The following TTC28 variants were observed in gnomAD, a reference collection of about 807,000 sequenced individuals.
The protein encoded by TTC28 is tetratricopeptide repeat protein 28.
Under a neutral mutation model 198.0 loss-of-function variants are expected in TTC28, and 61 were observed. That is an observed-to-expected ratio of 0.31 (90% CI 0.25 to 0.38). The LOEUF is 0.38. Ranked by LOEUF, TTC28 falls within the 10% of genes least tolerant of loss-of-function variation. The probability of loss-of-function intolerance (pLI) is 1.00; values close to 1 mark genes in which losing one functional copy is unlikely to be tolerated. For missense variants in TTC28, 2,678 were observed against 3,164.0 expected (o/e 0.85, Z 3.69); for synonymous variants, 1,171 against 1,297.8 (o/e 0.90, Z 2.10).
chr22:28,276,915 A>G (rs991788016), intron 5 of TTC28, among the ~76,000 whole-genome samples: 3 of 152,170 alleles, frequency 2.0e-5, no homozygotes, highest in Non-Finnish European at 2.9e-5. Flanking sequence ...AAATACTTAT[A>G]TTAGTATTTT....
intron 13 of TTC28, among the ~76,000 whole-genome samples, chr22:28,016,856 A>G (rs930053617): frequency 6.6e-6 from 1 of 152,172 alleles, no homozygotes; most frequent in African/African-American, 2.4e-5. Flanking sequence ...CACCCGGCCC[A>G]TCTGACCCCT....
At chr22:28,346,096 C>T (rs927843740) in intron 2 of TTC28, among the ~76,000 whole-genome samples, 4 of 152,138 alleles carry the variant, frequency 2.6e-5, no homozygotes, top group African/African-American at 9.7e-5. Flanking sequence ...TTCTTTATAA[C>T]AACCTGTAAA....
chr22:28,065,122 A>G (rs1407657932), intron 12 of TTC28, among the ~76,000 whole-genome samples: 3 of 152,322 alleles, frequency 2.0e-5, no homozygotes, highest in Admixed American at 6.5e-5. Flanking sequence ...GCTTGGCAGC[A>G]GCTGCAAAAC....
intron 12 of TTC28, among the ~76,000 whole-genome samples, chr22:28,076,375 T>A (rs1468556952): frequency 1.3e-5 from 2 of 152,332 alleles, no homozygotes; most frequent in East Asian, 3.9e-4. Flanking sequence ...CAACTGTCCA[T>A]TTACATCAAT....
chr22:28,117,093 T>C (rs1942654102), intron 6 of TTC28, among the ~76,000 whole-genome samples: 3 of 152,226 alleles, frequency 2.0e-5, no homozygotes, highest in South Asian at 4.1e-4. Context: ...TGAAAAGTAA[T>C]GAGAAATGAT....
chr22:28,512,978 G>GTTTT (rs1208865858), intron 2 of TTC28, among the ~76,000 whole-genome samples: 1 of 116,012 alleles, frequency 8.6e-6, no homozygotes. Flanking sequence ...TTTTAACCTG[G>GTTTT]ATTTTTTTTT....
At chr22:28,085,982 A>T (rs1253913504) in intron 12 of TTC28, among the ~76,000 whole-genome samples, 8 of 152,158 alleles carry the variant, frequency 5.3e-5, no homozygotes, top group Non-Finnish European at 1.0e-4. Context: ...ATATATATGC[A>T]CCCAATACAG....
At chr22:28,296,100 T>G in intron 5 of TTC28, 98 bp downstream of exon 5, 2 of 1,290,590 alleles carry the variant, frequency 1.5e-6, no homozygotes, top group Non-Finnish European at 2.1e-6. Flanking sequence ...GAAAGTAATA[T>G]TTTAAGATAC....
At chr22:28,185,398 G>T (rs1924100165) in intron 5 of TTC28, among the ~76,000 whole-genome samples, 1 of 152,108 alleles carries the variant, frequency 6.6e-6, no homozygotes, top group Non-Finnish European at 1.5e-5. Context: ...TATTATGTTT[G>T]TTATAACACT....
At chr22:28,259,493 C>A (rs887236014) in intron 5 of TTC28, among the ~76,000 whole-genome samples, 1 of 151,532 alleles carries the variant, frequency 6.6e-6, no homozygotes, top group Non-Finnish European at 1.5e-5. Flanking sequence ...GATGTTAGCC[C>A]AGAAATGCTC....
At chr22:28,508,770 C>G (rs1260452979) in intron 2 of TTC28, among the ~76,000 whole-genome samples, 1 of 152,088 alleles carries the variant, frequency 6.6e-6, no homozygotes, top group African/African-American at 2.4e-5. Flanking sequence ...TTTAGACTCC[C>G]ACATAAAAAT....
chr22:28,513,979 T>C (rs183304791), intron 2 of TTC28, among the ~76,000 whole-genome samples: 2 of 152,230 alleles, frequency 1.3e-5, no homozygotes, highest in East Asian at 1.9e-4. Flanking sequence ...GCAGTCTTTG[T>C]ACAAAATACA....
intron 2 of TTC28, among the ~76,000 whole-genome samples, chr22:28,359,795 T>A (rs1007731580): frequency 2.0e-5 from 3 of 152,160 alleles, no homozygotes; most frequent in African/African-American, 7.2e-5. Context: ...AGGAAAGATG[T>A]CTTATCAATG....
intron 12 of TTC28, among the ~76,000 whole-genome samples, chr22:28,047,507 C>T (rs1198438226): frequency 6.6e-6 from 1 of 152,332 alleles, no homozygotes; most frequent in Non-Finnish European, 1.5e-5. Context: ...AAGGCACCTA[C>T]CTGGGTCCAG....
intron 2 of TTC28, among the ~76,000 whole-genome samples, chr22:28,557,385 T>C (rs535850565): frequency 1.3e-5 from 2 of 152,362 alleles, no homozygotes; most frequent in Non-Finnish European, 2.9e-5. Flanking sequence ...TTCTTTGTGA[T>C]TTCTTCAAAC....
intron 2 of TTC28, among the ~76,000 whole-genome samples, chr22:28,504,444 G>A (rs1036857543): frequency 6.6e-6 from 1 of 151,900 alleles, no homozygotes; most frequent in African/African-American, 2.4e-5. Flanking sequence ...ATACATATGT[G>A]TGTATATGTA....
chr22:28,233,102 C>CAA (rs767038801), intron 5 of TTC28, among the ~76,000 whole-genome samples: 1 of 140,980 alleles, frequency 7.1e-6, no homozygotes, highest in Non-Finnish European at 1.6e-5. Context: ...AACTCTGTCT[C>CAA]AAAAAAAAAA....
intron 2 of TTC28, among the ~76,000 whole-genome samples, chr22:28,618,278 A>G (rs2050934078): frequency 4.6e-5 from 7 of 152,046 alleles, no homozygotes; most frequent in Admixed American, 3.9e-4. Context: ...CTCCATCTCA[A>G]TCAATCAATC....
At chr22:28,334,465 C>A (rs1013522492) in intron 2 of TTC28, among the ~76,000 whole-genome samples, 14 of 152,322 alleles carry the variant, frequency 9.2e-5, no homozygotes, top group African/African-American at 3.4e-4. Flanking sequence ...TACAATCCCA[C>A]CAACGGTGTA....
Sources: gnomAD v4.1 joint callset for allele counts (sites outside exome capture counted in the v4.1 genomes callset) on GRCh38, gnomAD v4.1.1 for gene constraint, MANE v1.5 for transcripts, NCBI Gene and HGNC (gene_info 2026-07-23, HGNC 2026-07-21) for gene names.